The following SCFD1 variants were observed in gnomAD, a reference collection of about 807,000 sequenced individuals.
The protein encoded by SCFD1 is sec1 family domain-containing protein 1.
Under a neutral mutation model 103.2 loss-of-function variants are expected in SCFD1, and 37 were observed. That is an observed-to-expected ratio of 0.36 (90% CI 0.28 to 0.47). The LOEUF (loss-of-function observed/expected upper bound fraction) is 0.47. SCFD1 is among the 20% of genes least tolerant of loss of function. The pLI, the probability that SCFD1 is intolerant of heterozygous loss-of-function variation, is 1.00. For synonymous variants in SCFD1, 264 were observed against 245.0 expected (o/e 1.08, Z -0.73); for missense variants, 639 against 761.2 (o/e 0.84, Z 1.89).
intron 10 of SCFD1, among the ~76,000 whole-genome samples, chr14:30,668,935 G>A (rs532862077): frequency 4.6e-5 from 7 of 152,168 alleles, no homozygotes; most frequent in East Asian, 1.9e-4. Context: ...AAATAGGAAC[G>A]CTTTTACACT....
intron 14 of SCFD1, among the ~76,000 whole-genome samples, chr14:30,682,219 A>C (rs1288407775): frequency 6.6e-6 from 1 of 152,210 alleles, no homozygotes; most frequent in Non-Finnish European, 1.5e-5. Context: ...GAAATTGAAG[A>C]AATAAGCTGG....
intron 14 of SCFD1, among the ~76,000 whole-genome samples, chr14:30,686,222 GTA>G (rs1234515594): frequency 8.7e-5 from 1 of 11,462 alleles, no homozygotes; most frequent in Non-Finnish European, 1.1e-4. Context: ...TAGCCTTGTA[GTA>G]TAGTTTGAAG....
In SCFD1 at chr14:30,631,080, A is replaced by G. The variant is rs1032825667; in HGVS notation, c.221+515A>G. On this transcript the variant is annotated intron_variant, in intron 3 of 24. Coordinates refer to ENST00000458591, the MANE Select transcript of SCFD1 (RefSeq NM_016106.4). ...AGCCTCCTTTATAATAAAACCGGGCACGGTGGCTCACGCCTGTAATCCCAG... is the reference window on the plus strand; with the variant it reads ...AGCCTCCTTTATAATAAAACCGGGCGCGGTGGCTCACGCCTGTAATCCCAG... Among the ~76,000 whole-genome samples the G allele has an allele frequency of 2.0e-5, 3 of 152,316 alleles. No individual in the cohort carries two copies. The East Asian group carries it at 5.8e-4, about 29-fold the overall frequency.
chr14:30,678,907 T>A (rs139421491), intron 14 of SCFD1, among the ~76,000 whole-genome samples: 2,475 of 152,322 alleles, frequency 0.016, 34 homozygotes, highest in Non-Finnish European at 0.027. Flanking sequence ...CTGAATTAGA[T>A]CTAAAGACAT....
chr14:30,705,989 C>A, intron 18 of SCFD1, 104 bp downstream of exon 18: 1 of 866,114 alleles, frequency 1.2e-6, no homozygotes, highest in Non-Finnish European at 1.8e-6. Context: ...CGGAAAATGT[C>A]ACCATGCCTT....
intron 13 of SCFD1, 136 bp from the exon 14 acceptor site, chr14:30,674,848 A>T: frequency 2.1e-6 from 1 of 470,778 alleles, no homozygotes; most frequent in South Asian, 4.9e-5. Context: ...AGATTAAATT[A>T]GTTGATAGTT....
chr14:30,731,866 C>T (rs183204365), intron 23 of SCFD1, among the ~76,000 whole-genome samples: 16 of 152,230 alleles, frequency 1.1e-4, no homozygotes, highest in Admixed American at 4.6e-4. Context: ...GCCTGATTGC[C>T]CTGGCCAGAA....
chr14:30,703,144 T>C (rs1386351973), intron 17 of SCFD1, among the ~76,000 whole-genome samples: 3 of 151,732 alleles, frequency 2.0e-5, no homozygotes, highest in Admixed American at 1.3e-4. Flanking sequence ...GCCCCAACTG[T>C]CAGTGAATTC....
chr14:30,649,943 A>T (rs1886242508), intron 8 of SCFD1, among the ~76,000 whole-genome samples: 1 of 152,182 alleles, frequency 6.6e-6, no homozygotes, highest in Non-Finnish European at 1.5e-5. Context: ...AATCATAACC[A>T]TTTTTAAAAT....
Position 30,734,942 on chromosome 14 carries a change from T to C in SCFD1, c.1905+84T>C, listed in dbSNP as rs2139455784. 2.6e-6 allele frequency: 3 copies of C among 1,136,188 alleles called. No individual in the cohort carries two copies. In the South Asian group the frequency reaches 3.9e-5, roughly 15 times the overall value. 70.4% of individuals were successfully genotyped at this position (1,136,188 alleles called of 1,614,324 possible). ...TTTCAAAAGAGAGAAAGAAAACCAC[T>C]TACTCACCTGAACCAGCCGAAACCA... On this transcript the variant is annotated intron_variant, in intron 24 of 24. Transcript: ENST00000458591.
chr14:30,723,841 C>T (rs533162857), intron 23 of SCFD1, among the ~76,000 whole-genome samples: 56 of 152,240 alleles, frequency 3.7e-4, no homozygotes, highest in Non-Finnish European at 6.6e-4. Context: ...CTATCGTGAA[C>T]AGTGCTGCAA....
intron 1 of SCFD1, among the ~76,000 whole-genome samples, chr14:30,626,939 G>GT (rs1245239404): frequency 6.6e-6 from 1 of 152,206 alleles, no homozygotes; most frequent in Non-Finnish European, 1.5e-5. Context: ...TGAATATGCT[G>GT]TAAGTTGATA....
chr14:30,639,651 T>C (rs1885070616), intron 5 of SCFD1, 126 bp from the exon 6 acceptor site: 1 of 997,614 alleles, frequency 1.0e-6, no homozygotes, highest in Non-Finnish European at 1.4e-6. Flanking sequence ...CAGTACAATT[T>C]TTAGTTATTG....
intron 14 of SCFD1, among the ~76,000 whole-genome samples, chr14:30,684,005 A>AG (rs1231374675): frequency 1.3e-5 from 2 of 152,226 alleles, no homozygotes; most frequent in African/African-American, 4.8e-5. Context: ...ATGGAGTTCC[A>AG]GAACAGTAGT....
chr14:30,682,558 C>T (rs184090466), intron 14 of SCFD1, among the ~76,000 whole-genome samples: 2 of 152,270 alleles, frequency 1.3e-5, no homozygotes, highest in Admixed American at 6.5e-5. Context: ...TTATACAAAG[C>T]AATTGAGTTT....
chr14:30,690,437 A>G, intron 14 of SCFD1, among the ~76,000 whole-genome samples: 1 of 98,602 alleles, frequency 1.0e-5, no homozygotes, highest in Non-Finnish European at 1.8e-5. Flanking sequence ...GTTTGATCTC[A>G]GACTGCTGTG....
chr14:30,718,415 A>ATTAT (rs1892432012), intron 20 of SCFD1, among the ~76,000 whole-genome samples: 1 of 152,216 alleles, frequency 6.6e-6, no homozygotes, highest in Admixed American at 6.5e-5. Flanking sequence ...CTCAAGGCAT[A>ATTAT]TTATTGCAGA....
At chr14:30,707,740 T>G in intron 18 of SCFD1, 1 of 479,796 alleles carries the variant, frequency 2.1e-6, no homozygotes, top group African/African-American at 2.0e-5. Context: ...GGGCAGCTCT[T>G]TATTTTTGTA....
intron 6 of SCFD1, among the ~76,000 whole-genome samples, chr14:30,642,114 GTC>G (rs1256783256): frequency 6.6e-6 from 1 of 152,096 alleles, no homozygotes; most frequent in East Asian, 1.9e-4. Context: ...CCGAGACAGA[GTC>G]TCTCTCTGTC....
Sources: gnomAD v4.1 joint callset for allele counts (sites outside exome capture counted in the v4.1 genomes callset) on GRCh38, gnomAD v4.1.1 for gene constraint, MANE v1.5 for transcripts, NCBI Gene and HGNC (gene_info 2026-07-23, HGNC 2026-07-21) for gene names.